SLC25A26: variants seen among roughly 807,000 people sequenced by gnomAD.
SLC25A26 encodes the protein solute carrier family 25 member 26, also known as mitochondrial S-adenosylmethionine carrier protein.
Under a neutral mutation model 37.8 loss-of-function variants are expected in SLC25A26, and 36 were observed. The ratio of observed to expected loss-of-function variants is 0.95; its 90% CI spans 0.73 to 1.26. The LOEUF (loss-of-function observed/expected upper bound fraction) is 1.26. Among genes scored for constraint, SLC25A26 ranks in the 50% most tolerant of loss-of-function variants. SLC25A26 has a pLI of 0.00. For missense variants in SLC25A26, 390 were observed against 331.1 expected, an observed-to-expected ratio of 1.18 and a Z score of -1.38; for synonymous variants, 129 against 122.5, an observed-to-expected ratio of 1.05 and a Z score of -0.35.
chr3:66,244,434 A>G (rs1012638922), intron 3 of SLC25A26, among the ~76,000 whole-genome samples: 14 of 152,372 alleles, frequency 9.2e-5, no homozygotes, highest in African/African-American at 3.4e-4. Context: ...CTAAGGCCAT[A>G]GAAGATTTGA....
At chr3:66,248,298 T>C (rs936698121) in intron 3 of SLC25A26, among the ~76,000 whole-genome samples, 1 of 152,186 alleles carries the variant, frequency 6.6e-6, no homozygotes, top group Admixed American at 6.5e-5. Context: ...CATGTAACAA[T>C]AGCAAGAGGG....
At chr3:66,269,405 C>T (rs2073876444) in intron 5 of SLC25A26, among the ~76,000 whole-genome samples, 1 of 152,150 alleles carries the variant, frequency 6.6e-6, no homozygotes, top group African/African-American at 2.4e-5. Flanking sequence ...TATTGAGAGA[C>T]ATCTTTATAA....
rs1251043937 is a variant in SLC25A26 at position 66,209,063 on chromosome 3, TATACACACAC to T, written c.-353-11677_-353-11668del. 6.2e-4 allele frequency among the ~76,000 whole-genome samples: 18 copies of T among 28,832 alleles called. 1 individual carries two copies. In the East Asian group the frequency reaches 0.013, roughly 21 times the overall value. 18.9% of individuals were successfully genotyped at this position (28,832 alleles called of 152,430 possible). A position where few individuals can be genotyped will look rare whatever the true frequency, so the allele number is the denominator to read the frequency against. On this transcript the variant is annotated intron_variant, in intron 1 of 10. Coordinates refer to the SLC25A26 transcript ENST00000676754. ...GTGTATATATATATATATATATATA[TATACACACAC>T]ACACCCATATAAAGATGTATATATA...
intron 6 of SLC25A26, among the ~76,000 whole-genome samples, chr3:66,348,366 A>G (rs1264525052): frequency 1.3e-5 from 2 of 152,222 alleles, no homozygotes; most frequent in African/African-American, 4.8e-5. Context: ...AATGTTATGC[A>G]TGCGTGCACA....
chr3:66,318,223 T>C (rs192624300), intron 5 of SLC25A26, among the ~76,000 whole-genome samples: 1 of 152,180 alleles, frequency 6.6e-6, no homozygotes, highest in Non-Finnish European at 1.5e-5. Context: ...TATGTCTCAG[T>C]GTCTGCTCGA....
At chr3:66,166,368 G>A (rs1217213277) in intron 1 of SLC25A26, among the ~76,000 whole-genome samples, 2 of 152,164 alleles carry the variant, frequency 1.3e-5, no homozygotes, top group African/African-American at 4.8e-5. Flanking sequence ...GAATGACAAA[G>A]ACTCAAACAA....
At chr3:66,346,518 C>T (rs1401345277) in intron 6 of SLC25A26, 110 bp downstream of exon 6, 4 of 521,550 alleles carry the variant, frequency 7.7e-6, no homozygotes, top group African/African-American at 2.0e-5. Flanking sequence ...CAACTCAAAC[C>T]TATTAGCAGT....
intron 5 of SLC25A26, among the ~76,000 whole-genome samples, chr3:66,300,056 A>G (rs554339258): frequency 1.6e-4 from 24 of 152,274 alleles, no homozygotes; most frequent in East Asian, 7.7e-4. Flanking sequence ...GGAAGGGTCA[A>G]TTGCTTTTAA....
intron 1 of SLC25A26, among the ~76,000 whole-genome samples, chr3:66,204,856 T>C (rs2071157116): frequency 6.6e-6 from 1 of 152,220 alleles, no homozygotes; most frequent in Non-Finnish European, 1.5e-5. Context: ...TAAACCACTC[T>C]TCTTGCCTTA....
chr3:66,234,135 G>A (rs907378121), intron 1 of SLC25A26, among the ~76,000 whole-genome samples: 5 of 152,130 alleles, frequency 3.3e-5, no homozygotes, highest in African/African-American at 1.2e-4. Context: ...AGGCAGGAGC[G>A]TGGTGGCTAT....
chr3:66,289,773 T>A (rs540019158), intron 5 of SLC25A26, among the ~76,000 whole-genome samples: 11 of 152,234 alleles, frequency 7.2e-5, no homozygotes, highest in Admixed American at 5.2e-4. Context: ...GCTTTGTTCT[T>A]TTGCTTAGGA....
chr3:66,347,073 C>G (rs577703153), intron 6 of SLC25A26, among the ~76,000 whole-genome samples: 1 of 152,072 alleles, frequency 6.6e-6, no homozygotes, highest in Non-Finnish European at 1.5e-5. Context: ...GCAAATATTT[C>G]ATGACGAAAA....
At chr3:66,313,985 T>A (rs1171798767) in intron 5 of SLC25A26, among the ~76,000 whole-genome samples, 1 of 152,222 alleles carries the variant, frequency 6.6e-6, no homozygotes, top group Non-Finnish European at 1.5e-5. Context: ...CCTGAGACGT[T>A]GCTGAAATTG....
chr3:66,270,976 A>G (rs181768696), intron 5 of SLC25A26, among the ~76,000 whole-genome samples: 6 of 152,306 alleles, frequency 3.9e-5, no homozygotes, highest in Admixed American at 2.0e-4. Flanking sequence ...CATGTTGGCC[A>G]TGTTGTCCTG....
At position 66,378,765 on chromosome 3, in the gene SLC25A26, T is replaced by G. The variant is rs1316617972; in HGVS notation, c.*958T>G. 1 of 152,608 alleles carries G rather than the reference T, an allele frequency of 6.6e-6. No individual in the cohort carries two copies. Among genetic ancestry groups the G allele is most frequent in the Non-Finnish European group, 1.5e-5 (1 of 68,036 alleles). 9.5% of individuals were successfully genotyped at this position (152,608 alleles called of 1,614,324 possible). ...GGAAGATAATTAAAGGCAGAATGACTGCGTTTGTAAAAGAAGGACCACCAA... is the reference window on the plus strand; with the variant it reads ...GGAAGATAATTAAAGGCAGAATGACGGCGTTTGTAAAAGAAGGACCACCAA... On this transcript the variant is annotated 3_prime_UTR_variant, in exon 10 of 10. Coordinates refer to ENST00000354883, the MANE Select transcript of SLC25A26 (RefSeq NM_001379210.1).
At chr3:66,273,220 T>C (rs1242452893) in intron 5 of SLC25A26, among the ~76,000 whole-genome samples, 1 of 152,184 alleles carries the variant, frequency 6.6e-6, no homozygotes, top group Non-Finnish European at 1.5e-5. Flanking sequence ...GATTTTTGCG[T>C]CAATGTGCAT....
At chr3:66,249,062 G>A (rs1430550644) in intron 3 of SLC25A26, among the ~76,000 whole-genome samples, 2 of 152,192 alleles carry the variant, frequency 1.3e-5, no homozygotes, top group African/African-American at 4.8e-5. Context: ...AACACTGGGT[G>A]TGGTGTACCA....
At chr3:66,138,982 T>C (rs906432951) in intron 1 of SLC25A26, among the ~76,000 whole-genome samples, 1 of 152,164 alleles carries the variant, frequency 6.6e-6, no homozygotes, top group African/African-American at 2.4e-5. Context: ...AGTAGATTGA[T>C]TGATTACTTA....
chr3:66,215,177 G>T (rs1012779847), intron 1 of SLC25A26, among the ~76,000 whole-genome samples: 1 of 152,004 alleles, frequency 6.6e-6, no homozygotes, highest in Non-Finnish European at 1.5e-5. Flanking sequence ...TTACCTTTTT[G>T]TTCTATTATT....
Sources: allele counts gnomAD v4.1 joint callset (sites outside exome capture counted in the v4.1 genomes callset), GRCh38; gene constraint gnomAD v4.1.1; transcripts MANE v1.5; gene names NCBI Gene and HGNC (gene_info 2026-07-23, HGNC 2026-07-21).